The following GALNTL6 variants were observed in gnomAD, a reference collection of about 807,000 sequenced individuals.
GALNTL6 encodes the protein polypeptide N-acetylgalactosaminyltransferase like 6.
Under a neutral mutation model 73.7 loss-of-function variants are expected in GALNTL6, and 46 were observed. The observed-to-expected ratio is 0.62, with a 90% CI of 0.49 to 0.80. The LOEUF (loss-of-function observed/expected upper bound fraction) is 0.80, where lower values mean the gene tolerates loss of function less well. Among genes scored for constraint, GALNTL6 ranks in the 30% least tolerant of loss-of-function variants. The pLI is 0.00. For synonymous variants in GALNTL6, 259 were observed against 263.7 expected, an observed-to-expected ratio of 0.98 and a Z score of 0.17; for missense variants, 604 against 755.0, an observed-to-expected ratio of 0.80 and a Z score of 2.34.
At chr4:172,664,252 T>G (rs1731539429) in intron 5 of GALNTL6, among the ~76,000 whole-genome samples, 1 of 152,220 alleles carries the variant, frequency 6.6e-6, no homozygotes, top group Non-Finnish European at 1.5e-5. Context: ...GAGTTTCTTC[T>G]GTCCTTCAAT....
chr4:172,824,721 G>A (rs1012794193), intron 7 of GALNTL6, among the ~76,000 whole-genome samples: 1 of 152,124 alleles, frequency 6.6e-6, no homozygotes, highest in Admixed American at 6.6e-5. Flanking sequence ...GGCTTCAGGT[G>A]AGAAGGCTTC....
intron 2 of GALNTL6, among the ~76,000 whole-genome samples, chr4:172,075,361 G>A (rs1436099982): frequency 6.6e-6 from 1 of 152,016 alleles, no homozygotes; most frequent in Non-Finnish European, 1.5e-5. Context: ...TTGAGACGGA[G>A]TCTTGCTCTG....
At chr4:172,736,617 G>A (rs1225909856) in intron 5 of GALNTL6, among the ~76,000 whole-genome samples, 1 of 152,200 alleles carries the variant, frequency 6.6e-6, no homozygotes, top group Admixed American at 6.5e-5. Flanking sequence ...GTAAAGACAG[G>A]CATAGGAAAT....
intron 10 of GALNTL6, among the ~76,000 whole-genome samples, chr4:172,963,158 A>C (rs1750163089): frequency 6.6e-6 from 1 of 152,148 alleles, no homozygotes; most frequent in Non-Finnish European, 1.5e-5. Context: ...AGGCCAGGTC[A>C]GTCTGACCTC....
intron 5 of GALNTL6, among the ~76,000 whole-genome samples, chr4:172,719,305 C>T (rs1487740990): frequency 6.6e-6 from 1 of 152,040 alleles, no homozygotes; most frequent in African/African-American, 2.4e-5. Flanking sequence ...CAGAAAAACC[C>T]GAGTTTTAAT....
chr4:172,493,295 C>T (rs1733956518), intron 5 of GALNTL6, among the ~76,000 whole-genome samples: 1 of 152,100 alleles, frequency 6.6e-6, no homozygotes, highest in Non-Finnish European at 1.5e-5. Flanking sequence ...TTGAGAGTTT[C>T]AATGGGTTGC....
intron 2 of GALNTL6, among the ~76,000 whole-genome samples, chr4:171,941,257 A>T (rs563715610): frequency 6.6e-6 from 1 of 152,316 alleles, no homozygotes; most frequent in Non-Finnish European, 1.5e-5. Flanking sequence ...AGAACTCTCC[A>T]CCTTACAGGT....
At chr4:172,457,062 A>G (rs1012845493) in intron 5 of GALNTL6, among the ~76,000 whole-genome samples, 1 of 152,182 alleles carries the variant, frequency 6.6e-6, no homozygotes, top group African/African-American at 2.4e-5. Context: ...ATTCTTAAAG[A>G]GAAGAATTTT....
chr4:172,471,573 T>G (rs1218523970), intron 5 of GALNTL6, among the ~76,000 whole-genome samples: 2 of 152,200 alleles, frequency 1.3e-5, no homozygotes, highest in Non-Finnish European at 2.9e-5. Context: ...TCTTTTTTTA[T>G]GACACATTTT....
intron 11 of GALNTL6, among the ~76,000 whole-genome samples, chr4:173,020,760 A>G (rs1192773307): frequency 3.9e-5 from 6 of 152,204 alleles, no homozygotes; most frequent in African/African-American, 1.4e-4. Flanking sequence ...TTAGCTAAAT[A>G]AAGACCGTAG....
chr4:172,405,236 C>A (rs1173442915), intron 5 of GALNTL6, among the ~76,000 whole-genome samples: 1 of 151,244 alleles, frequency 6.6e-6, no homozygotes, highest in African/African-American at 2.4e-5. Context: ...CAACTGAGTT[C>A]TCACATTTCC....
intron 2 of GALNTL6, among the ~76,000 whole-genome samples, chr4:172,206,904 G>A (rs75775790): frequency 7.1e-6 from 1 of 141,678 alleles, no homozygotes; most frequent in Non-Finnish European, 1.5e-5. Flanking sequence ...TGCAAGCTCC[G>A]CCTCTCGGGT....
chr4:171,976,766 T>G (rs1310956329), intron 2 of GALNTL6, among the ~76,000 whole-genome samples: 1 of 152,156 alleles, frequency 6.6e-6, no homozygotes, highest in Non-Finnish European at 1.5e-5. Flanking sequence ...ATGTGGACCA[T>G]GAGTGAATGA....
intron 8 of GALNTL6, among the ~76,000 whole-genome samples, chr4:172,907,715 C>G (rs945977606): frequency 6.6e-6 from 1 of 152,188 alleles, no homozygotes; most frequent in Non-Finnish European, 1.5e-5. Flanking sequence ...CCCATCCTAA[C>G]TAAGCACTTA....
At chr4:172,838,071 T>C (rs1487437308) in intron 7 of GALNTL6, among the ~76,000 whole-genome samples, 1 of 151,928 alleles carries the variant, frequency 6.6e-6, no homozygotes, top group Non-Finnish European at 1.5e-5. Flanking sequence ...TATTTGTCAG[T>C]GTTTGCTCGC....
At chr4:172,183,704 T>C (rs573327260) in intron 2 of GALNTL6, among the ~76,000 whole-genome samples, 2 of 152,250 alleles carry the variant, frequency 1.3e-5, no homozygotes, top group South Asian at 4.1e-4. Context: ...GGAATAAACA[T>C]TTGTTGAGAG....
chr4:172,223,367 G>C (rs994790823), intron 2 of GALNTL6, among the ~76,000 whole-genome samples: 1 of 151,534 alleles, frequency 6.6e-6, no homozygotes, highest in Non-Finnish European at 1.5e-5. Flanking sequence ...TAGATTATTT[G>C]AGACCCATTG....
At chr4:171,918,571 G>A (rs560150617) in intron 2 of GALNTL6, among the ~76,000 whole-genome samples, 93 of 152,070 alleles carry the variant, frequency 6.1e-4, no homozygotes, top group Middle Eastern at 6.8e-3. Context: ...AGCCACTAAG[G>A]AAAACAATAT....
intron 2 of GALNTL6, among the ~76,000 whole-genome samples, chr4:171,826,193 T>C (rs940392153): frequency 4.6e-5 from 7 of 152,180 alleles, no homozygotes; most frequent in Admixed American, 3.3e-4. Flanking sequence ...CCACCACCTC[T>C]TTTATTATGC....
Sources: gnomAD v4.1 joint callset for allele counts (sites outside exome capture counted in the v4.1 genomes callset) on GRCh38, gnomAD v4.1.1 for gene constraint, MANE v1.5 for transcripts, NCBI Gene and HGNC (gene_info 2026-07-23, HGNC 2026-07-21) for gene names.